Variants in ARNT2 observed in about 807,000 individuals in gnomAD.
The protein encoded by ARNT2 is aryl hydrocarbon receptor nuclear translocator 2, also known as ARNT protein 2.
Under a neutral mutation model 91.7 loss-of-function variants are expected in ARNT2, and 36 were observed. The observed-to-expected ratio is 0.39, with a 90% CI of 0.30 to 0.52. The LOEUF (loss-of-function observed/expected upper bound fraction) is 0.52. Among genes scored for constraint, ARNT2 ranks in the 20% least tolerant of loss-of-function variants. The pLI, the probability that ARNT2 is intolerant of heterozygous loss-of-function variation, is 0.72. For missense variants in ARNT2, 775 were observed against 939.3 expected (o/e 0.83, Z 2.29); for synonymous variants, 365 against 347.1 (o/e 1.05, Z -0.57).
chr15:80,457,321 A>G (rs994577265), intron 2 of ARNT2, among the ~76,000 whole-genome samples: 3 of 152,150 alleles, frequency 2.0e-5, no homozygotes, highest in African/African-American at 7.2e-5. Flanking sequence ...TTTCCCCTCA[A>G]CAGCCATGTT....
At chr15:80,485,168 C>G (rs1239488451) in intron 5 of ARNT2, among the ~76,000 whole-genome samples, 2 of 152,220 alleles carry the variant, frequency 1.3e-5, no homozygotes, top group East Asian at 1.9e-4. Flanking sequence ...CTTCTTAGCT[C>G]TCTAAAATGT....
chr15:80,527,667 C>T (rs1897659638), intron 8 of ARNT2, among the ~76,000 whole-genome samples: 1 of 152,232 alleles, frequency 6.6e-6, no homozygotes, highest in Non-Finnish European at 1.5e-5. Context: ...TAATGAGGTA[C>T]AGTCACTCTT....
intron 15 of ARNT2, among the ~76,000 whole-genome samples, chr15:80,577,622 G>T (rs979342550): frequency 3.9e-5 from 6 of 152,244 alleles, no homozygotes; most frequent in Admixed American, 1.3e-4. Context: ...ACACCCTAAA[G>T]TTCCTCATGC....
intron 12 of ARNT2, among the ~76,000 whole-genome samples, chr15:80,573,629 A>G (rs903247988): frequency 1.3e-5 from 2 of 152,246 alleles, no homozygotes; most frequent in African/African-American, 4.8e-5. Flanking sequence ...CAGAAGTATC[A>G]GGTCAGACCC....
At chr15:80,477,610 T>C (rs1473070929) in intron 5 of ARNT2, among the ~76,000 whole-genome samples, 2 of 152,168 alleles carry the variant, frequency 1.3e-5, no homozygotes, top group Non-Finnish European at 2.9e-5. Flanking sequence ...CCAGCCTAAG[T>C]GTAGGTCTCT....
intron 2 of ARNT2, among the ~76,000 whole-genome samples, chr15:80,455,312 C>T (rs933467057): frequency 8.5e-5 from 13 of 152,138 alleles, no homozygotes; most frequent in Admixed American, 7.2e-4. Context: ...CCTCCTGGTT[C>T]GCCTCCGAAT....
chr15:80,471,137 T>C (rs1896726009), intron 4 of ARNT2, among the ~76,000 whole-genome samples: 1 of 152,234 alleles, frequency 6.6e-6, no homozygotes, highest in African/African-American at 2.4e-5. Flanking sequence ...TAAATGTTCA[T>C]CAATGACAGA....
intron 11 of ARNT2, chr15:80,556,207 C>G (rs1951498405): frequency 6.6e-6 from 1 of 152,290 alleles, no homozygotes; most frequent in Non-Finnish European, 1.5e-5. Flanking sequence ...TCGCTTGAAC[C>G]CGGGAGGCAG....
At chr15:80,423,983 C>G (rs1451745979) in intron 1 of ARNT2, among the ~76,000 whole-genome samples, 1 of 152,188 alleles carries the variant, frequency 6.6e-6, no homozygotes, top group Admixed American at 6.5e-5. Context: ...TCCTCGTGGT[C>G]CCTTAGCTTT....
At chr15:80,587,796 G>A (rs1043032302) in intron 17 of ARNT2, among the ~76,000 whole-genome samples, 4 of 152,234 alleles carry the variant, frequency 2.6e-5, no homozygotes, top group Non-Finnish European at 5.9e-5. Context: ...CACATGTGCA[G>A]TAGCACAGAG....
chr15:80,564,455 G>T (rs1012827458), intron 12 of ARNT2, among the ~76,000 whole-genome samples: 9 of 152,022 alleles, frequency 5.9e-5, no homozygotes, highest in African/African-American at 1.9e-4. Flanking sequence ...CCTCTGCCCT[G>T]CTCCTGGGCC....
intron 1 of ARNT2, among the ~76,000 whole-genome samples, chr15:80,441,680 T>C (rs1896192557): frequency 1.3e-5 from 2 of 152,226 alleles, no homozygotes; most frequent in African/African-American, 4.8e-5. Context: ...CTCCTGTTCC[T>C]TTCATCTGTA....
chr15:80,561,759 C>G (rs949042537), intron 11 of ARNT2, among the ~76,000 whole-genome samples: 4 of 152,178 alleles, frequency 2.6e-5, no homozygotes, highest in Non-Finnish European at 5.9e-5. Context: ...CCAGTAGTCT[C>G]TTAGCCACCT....
chr15:80,405,669 G>A (rs1895589415), intron 1 of ARNT2, among the ~76,000 whole-genome samples: 1 of 152,198 alleles, frequency 6.6e-6, no homozygotes, highest in East Asian at 1.9e-4. Context: ...GAGGGGCATT[G>A]CAGGCGTAAG....
chr15:80,581,285 T>A lies in ARNT2; in HGVS notation c.1799T>A (p.Ile600Asn). The change falls in exon 17 of 19, where the codon ATT (isoleucine) becomes AAT (asparagine). Residue 600 changes from isoleucine to asparagine, a missense_variant. Around this residue, in one of 5 missense-constraint regions of ARNT2, gnomAD observed 325 missense variants for 359.9 expected, o/e 0.90. Transcript: ENST00000303329. ...SSKTQSSPFG[I>N]GTSHTYPADP... ...AAGACTCAGTCATCTCCCTTTGGGA[T>A]TGGAACGAGCCACACCTACCCGGCA... 1 of 1,614,152 alleles carries A rather than the reference T, an allele frequency of 6.2e-7. No homozygotes were observed. Among genetic ancestry groups the A allele is most frequent in the South Asian group, 1.1e-5 (1 of 91,076 alleles).
intron 3 of ARNT2, 29 bp from the exon 4 acceptor site, chr15:80,470,189 C>G: frequency 1.3e-6 from 2 of 1,598,038 alleles, no homozygotes; most frequent in Non-Finnish European, 1.7e-6. Context: ...CTTTTTTCCC[C>G]CTCTCCTGAT....
At chr15:80,439,958 C>T (rs762897410) in intron 1 of ARNT2, among the ~76,000 whole-genome samples, 4 of 152,216 alleles carry the variant, frequency 2.6e-5, no homozygotes, top group Non-Finnish European at 5.9e-5. Flanking sequence ...GCTTTGAACC[C>T]TCCTGTGTAC....
chr15:80,577,045 G>C, intron 15 of ARNT2, 80 bp downstream of exon 15: 1 of 1,410,726 alleles, frequency 7.1e-7, no homozygotes, highest in East Asian at 2.3e-5. Flanking sequence ...GCACAGCTCT[G>C]TGGGCTGTAA....
intron 8 of ARNT2, among the ~76,000 whole-genome samples, chr15:80,530,343 AT>A (rs1303616972): frequency 1.3e-5 from 2 of 152,158 alleles, no homozygotes; most frequent in African/African-American, 4.8e-5. Context: ...GAGCGCAGAC[AT>A]TCTGCCACCA....
Sources: allele counts gnomAD v4.1 joint callset (sites outside exome capture counted in the v4.1 genomes callset), GRCh38; gene constraint gnomAD v4.1.1; regional missense constraint gnomAD v4.1.1; transcripts MANE v1.5; gene names NCBI Gene and HGNC (gene_info 2026-07-23, HGNC 2026-07-21).